PCDHA4: variants seen among roughly 807,000 people sequenced by gnomAD.
PCDHA4 encodes the protein protocadherin alpha 4.
Under a neutral mutation model 61.4 loss-of-function variants are expected in PCDHA4, and 49 were observed. The observed-to-expected ratio is 0.80, with a 90% CI of 0.63 to 1.01. The LOEUF (loss-of-function observed/expected upper bound fraction) is 1.01, where lower values mean the gene tolerates loss of function less well. Among genes scored for constraint, PCDHA4 ranks in the 50% least tolerant of loss-of-function variants. The probability of loss-of-function intolerance (pLI) is 0.00; values close to 1 mark genes in which losing one functional copy is unlikely to be tolerated. For missense variants in PCDHA4, 1,254 were observed against 1,235.8 expected (o/e 1.01, Z -0.22); for synonymous variants, 590 against 550.3 (o/e 1.07, Z -1.01).
At chr5:140,872,652 T>C (rs1185435042) in intron 1 of PCDHA4, among the ~76,000 whole-genome samples, 2 of 152,142 alleles carry the variant, frequency 1.3e-5, no homozygotes, top group Non-Finnish European at 2.9e-5. Context: ...AGGCAAGAGA[T>C]TTGTCAACTA....
rs781828358 is a variant in PCDHA4 at position 140,809,405 on chromosome 5, G to C, written c.2218G>C (p.Val740Leu). 39 of 1,614,088 alleles carry C rather than the reference G, an allele frequency of 2.4e-5. No individual in the cohort carries two copies. The highest frequency in any genetic ancestry group is 3.0e-5 in the Non-Finnish European group (35 of 1,180,022). ...GTGCGCTCCGGGCAAGCCCACGCTG[G>C]TGTGCTCCAGTGCGGTGGGGAGCTG... is the stretch of plus-strand genomic sequence containing the variant. ...GACAPGKPTL[V>L]CSSAVGSWSY... The change falls in exon 1 of 4, where the codon GTG becomes CTG. Residue 740 changes from valine (V) to leucine (L), a missense_variant. Transcript: ENST00000530339.
At chr5:140,898,112 G>A (rs1308883558) in intron 1 of PCDHA4, among the ~76,000 whole-genome samples, 1 of 152,046 alleles carries the variant, frequency 6.6e-6, no homozygotes, top group African/African-American at 2.4e-5. Flanking sequence ...TGAGTAGGTT[G>A]CGAAAATTTT....
intron 1 of PCDHA4, chr5:140,823,585 G>A: frequency 6.2e-7 from 1 of 1,614,018 alleles, no homozygotes; most frequent in Non-Finnish European, 8.5e-7. Flanking sequence ...GGGCTACAAC[G>A]CTTGGCTTTC....
intron 1 of PCDHA4, chr5:140,828,723 T>G (rs1554131483): frequency 7.4e-6 from 12 of 1,614,088 alleles, no homozygotes; most frequent in Admixed American, 1.7e-5. Flanking sequence ...CACAACTTAT[T>G]CCTGACAGCC....
rs992908265 is a variant in PCDHA4, at chr5:140,807,808, G to T, written c.621G>T (p.Glu207Asp). 9.9e-6 allele frequency: 16 copies of T among 1,614,150 alleles called. No individual in the cohort carries two copies. The highest frequency in any genetic ancestry group is 1.3e-5 in the Non-Finnish European group (15 of 1,180,038). Residue 207 changes from glutamate (E) to aspartate (D), a missense_variant, in exon 1 of 4, where the codon GAG (glutamate) becomes GAT (aspartate). Glu to Asp is a conservative substitution (Grantham distance 45). Transcript: ENST00000530339. ...RKSLDREEAP[E>D]IFLVLTATDG... is the part of the protein sequence containing the mutation. ...CTTTAGACAGAGAAGAAGCTCCGGAGATTTTTTTAGTGCTCACAGCCACTG... is the reference window on the plus strand; with the variant it reads ...CTTTAGACAGAGAAGAAGCTCCGGATATTTTTTTAGTGCTCACAGCCACTG...
At chr5:140,936,144 T>C (rs1386720304) in intron 1 of PCDHA4, among the ~76,000 whole-genome samples, 2 of 152,158 alleles carry the variant, frequency 1.3e-5, no homozygotes, top group African/African-American at 4.8e-5. Flanking sequence ...CTGCCCGCCT[T>C]GGCCTCCTAA....
intron 3 of PCDHA4, among the ~76,000 whole-genome samples, chr5:140,994,021 G>A (rs1160447092): frequency 6.6e-6 from 1 of 152,140 alleles, no homozygotes; most frequent in Non-Finnish European, 1.5e-5. Context: ...AGGTGATGCA[G>A]ATATAATATT....
chr5:140,877,095 C>G, intron 1 of PCDHA4: 1 of 1,613,330 alleles, frequency 6.2e-7, no homozygotes, highest in Admixed American at 1.7e-5. Flanking sequence ...GCGACGCCGG[C>G]GTGCCGCCTC....
intron 1 of PCDHA4, chr5:140,825,838 T>A (rs1768731897): frequency 6.6e-6 from 1 of 152,416 alleles, no homozygotes; most frequent in Non-Finnish European, 1.5e-5. Context: ...AAAATAAATA[T>A]ACCATGATAC....
At position 140,982,572 on chromosome 5, in the gene PCDHA4, C is replaced by G. The variant is rs782271002; in HGVS notation, c.2533+9C>G. 1 of 1,613,760 alleles carries G rather than the reference C, an allele frequency of 6.2e-7. No homozygotes were observed. Among genetic ancestry groups the G allele is most frequent in the Non-Finnish European group, 8.5e-7 (1 of 1,179,726 alleles). On this transcript the variant is annotated intron_variant, in intron 3 of 3. Transcript: ENST00000530339. ...ATCCAGTGCAACACCAGGTAAAGAGCTGGGGTCTCTCCATTCTTTCTTGGT... is the reference window on the plus strand; with the variant it reads ...ATCCAGTGCAACACCAGGTAAAGAGGTGGGGTCTCTCCATTCTTTCTTGGT...
chr5:140,840,887 T>A (rs1359040754), intron 1 of PCDHA4, among the ~76,000 whole-genome samples: 2 of 151,984 alleles, frequency 1.3e-5, no homozygotes, highest in South Asian at 4.1e-4. Context: ...ATTTCTGATA[T>A]CCATGACATA....
At chr5:140,925,513 A>G (rs2082534793) in intron 1 of PCDHA4, among the ~76,000 whole-genome samples, 1 of 152,104 alleles carries the variant, frequency 6.6e-6, no homozygotes, top group South Asian at 2.1e-4. Flanking sequence ...CACGCAAAAG[A>G]CCAAATTAAA....
intron 1 of PCDHA4, among the ~76,000 whole-genome samples, chr5:140,970,178 A>T (rs1190328996): frequency 6.6e-6 from 1 of 152,214 alleles, no homozygotes; most frequent in East Asian, 1.9e-4. Context: ...GCATACTCTG[A>T]ATTCATTGTA....
At chr5:140,866,469 C>CG (rs2049380122) in intron 1 of PCDHA4, 2 of 152,080 alleles carry the variant, frequency 1.3e-5, no homozygotes, top group Non-Finnish European at 2.9e-5. Context: ...AAGCTCATAA[C>CG]AACTGACAAA....
At chr5:140,886,368 C>T (rs1174734883) in intron 1 of PCDHA4, among the ~76,000 whole-genome samples, 2 of 152,040 alleles carry the variant, frequency 1.3e-5, no homozygotes, top group South Asian at 4.1e-4. Context: ...GGTGTACATG[C>T]CATGGTGTGC....
At chr5:140,921,616 A>C (rs1369093554) in intron 1 of PCDHA4, among the ~76,000 whole-genome samples, 1 of 152,222 alleles carries the variant, frequency 6.6e-6, no homozygotes, top group African/African-American at 2.4e-5. Flanking sequence ...GAAAAATATC[A>C]TCAGATCATC....
intron 1 of PCDHA4, chr5:140,869,019 A>G: frequency 1.3e-6 from 2 of 1,525,464 alleles, no homozygotes; most frequent in Non-Finnish European, 8.8e-7. Flanking sequence ...CTTCTTAAGA[A>G]TTCAACGAGA....
chr5:140,952,442 A>G (rs1431756877), intron 1 of PCDHA4, among the ~76,000 whole-genome samples: 1 of 152,178 alleles, frequency 6.6e-6, no homozygotes, highest in African/African-American at 2.4e-5. Context: ...CAGGCATAAT[A>G]CAGCCAGGCT....
intron 1 of PCDHA4, among the ~76,000 whole-genome samples, chr5:140,872,165 CT>C (rs781807025): frequency 1.6e-3 from 233 of 143,900 alleles, no homozygotes; most frequent in Middle Eastern, 3.6e-3. Context: ...ATTTACTTTT[CT>C]TTTTTTTTTT....
Sources: gnomAD v4.1 joint callset for allele counts (sites outside exome capture counted in the v4.1 genomes callset) on GRCh38, gnomAD v4.1.1 for gene constraint, MANE v1.5 for transcripts, NCBI Gene and HGNC (gene_info 2026-07-23, HGNC 2026-07-21) for gene names.